CACNA1E: variants seen among roughly 807,000 people sequenced by gnomAD.
CACNA1E encodes voltage-dependent R-type calcium channel subunit alpha-1E.
Under a neutral mutation model 259.2 loss-of-function variants are expected in CACNA1E, and 40 were observed. The ratio of observed to expected loss-of-function variants is 0.15; its 90% CI spans 0.12 to 0.20. The LOEUF (loss-of-function observed/expected upper bound fraction) is 0.20. CACNA1E is among the 10% of genes least tolerant of loss of function. The pLI is 1.00. For synonymous variants in CACNA1E, 1,104 were observed against 1,138.5 expected (o/e 0.97, Z 0.61); for missense variants, 1,874 against 3,040.1 (o/e 0.62, Z 9.02).
chr1:181,658,331 A>G (rs1659374286), intron 7 of CACNA1E, among the ~76,000 whole-genome samples: 1 of 152,212 alleles, frequency 6.6e-6, no homozygotes, highest in Admixed American at 6.5e-5. Context: ...ACAGTTGTAC[A>G]TTGGAAGAGG....
intron 7 of CACNA1E, among the ~76,000 whole-genome samples, chr1:181,688,823 A>G (rs1650847408): frequency 6.6e-6 from 1 of 152,056 alleles, no homozygotes; most frequent in South Asian, 2.1e-4. Context: ...GCACCTGGTA[A>G]CCAGCAGGTG....
intron 7 of CACNA1E, among the ~76,000 whole-genome samples, chr1:181,653,501 G>A (rs1157153857): frequency 1.3e-5 from 2 of 152,180 alleles, no homozygotes; most frequent in African/African-American, 2.4e-5. Flanking sequence ...TCTTTCTTTT[G>A]TAAATGCCTC....
At chr1:181,781,205 C>T (rs1461639042) in intron 38 of CACNA1E, among the ~76,000 whole-genome samples, 2 of 152,164 alleles carry the variant, frequency 1.3e-5, no homozygotes, top group Non-Finnish European at 2.9e-5. Flanking sequence ...GTCATGTCTA[C>T]GATTTGCCTT....
chr1:181,341,740 CT>C (rs2102634608), intron 1 of CACNA1E, among the ~76,000 whole-genome samples: 1 of 152,334 alleles, frequency 6.6e-6, no homozygotes, highest in South Asian at 2.1e-4. Flanking sequence ...AAAATGTTCA[CT>C]GCTCTCTACT....
chr1:181,501,995 G>A (rs746051006), intron 1 of CACNA1E, among the ~76,000 whole-genome samples: 2 of 152,126 alleles, frequency 1.3e-5, no homozygotes, highest in Non-Finnish European at 2.9e-5. Context: ...CACAAGGAAA[G>A]CAATGAGATG....
chr1:181,798,912 C>CCG lies in CACNA1E; in HGVS notation c.*78_*79insCG. The CCG allele has an allele frequency of 7.6e-7, 1 of 1,309,272 alleles. No individual in the cohort carries two copies. The highest frequency in any genetic ancestry group is 1.8e-5 in the South Asian group (1 of 56,348). 81.1% of individuals were successfully genotyped at this position (1,309,272 alleles called of 1,614,324 possible). On this transcript the variant is annotated 3_prime_UTR_variant, in exon 48 of 48. Coordinates refer to ENST00000367573, the MANE Select transcript of CACNA1E (RefSeq NM_001205293.3). This position sits in a 1 kb window ranked among gnomAD's most constrained non-coding sequence, Gnocchi z 4.2. Reference sequence around the variant, plus strand: ...ACAGAATTGGGAAGCCAGTGCGGCCCGGGGGGGAGGAAGAGGGAAAAGGAA... The same window carrying CCG: ...ACAGAATTGGGAAGCCAGTGCGGCCCCGGGGGGGGAGGAAGAGGGAAAAGGAA...
In CACNA1E at chr1:181,798,612, C is replaced by A. The variant is rs369758450; in HGVS notation, c.6720C>A (p.His2240Gln). 1.9e-6 allele frequency: 3 copies of A among 1,613,112 alleles called. No individual in the cohort carries two copies. The highest frequency in any genetic ancestry group is 2.5e-6 in the Non-Finnish European group (3 of 1,179,724). ...EPYLALHEDS[H>Q]ASDCGEEETL... is the part of the protein sequence containing the mutation. Reference sequence around the variant, plus strand: ...ACTTGGCCCTGCACGAAGACTCCCACGCCTCAGACTGTGGTGAGGAGGAGA... The same window carrying A: ...ACTTGGCCCTGCACGAAGACTCCCAAGCCTCAGACTGTGGTGAGGAGGAGA... The change falls in exon 48 of 48, where the codon CAC (histidine) becomes CAA (glutamine). Residue 2240 changes from histidine to glutamine, a missense_variant. By Grantham distance (24) the His-to-Gln change is conservative. This residue lies in a region of CACNA1E where 542 missense variants were observed against 587.2 expected (regional missense o/e 0.92). Coordinates refer to ENST00000367573, the MANE Select transcript of CACNA1E (RefSeq NM_001205293.3). The surrounding 1 kb of genome is among the most constrained non-coding windows in gnomAD (Gnocchi z 4.2).
At chr1:181,343,850 A>G (rs1377779750) in intron 1 of CACNA1E, among the ~76,000 whole-genome samples, 1 of 151,930 alleles carries the variant, frequency 6.6e-6, no homozygotes, top group South Asian at 2.1e-4. Flanking sequence ...GATAGAAAAC[A>G]AAGTCCTCAT....
At chr1:181,724,384 A>G in intron 16 of CACNA1E, 86 bp from the exon 17 acceptor site, 1 of 1,033,242 alleles carries the variant, frequency 9.7e-7, no homozygotes, top group Non-Finnish European at 1.5e-6. Flanking sequence ...TTAATGTCCC[A>G]GGCAGGAAAG....
chr1:181,381,795 G>A (rs74779618), intron 1 of CACNA1E, among the ~76,000 whole-genome samples: 24 of 152,266 alleles, frequency 1.6e-4, no homozygotes, highest in South Asian at 1.5e-3. Flanking sequence ...TGTGGTGGTC[G>A]GATCAGCAGA....
upstream of CACNA1E, chr1:181,483,504 T>TTTC (rs1480068280): frequency 3.2e-6 from 1 of 314,444 alleles, no homozygotes; most frequent in African/African-American, 2.2e-5. Context: ...CTTTTTTCTT[T>TTTC]TTTTTTTTTT....
chr1:181,349,088 G>T (rs1236485069), intron 1 of CACNA1E, among the ~76,000 whole-genome samples: 2 of 151,892 alleles, frequency 1.3e-5, no homozygotes, highest in South Asian at 4.2e-4. Context: ...GAGCTCTTGG[G>T]GACCCACGGG....
intron 4 of CACNA1E, among the ~76,000 whole-genome samples, chr1:181,578,621 A>C (rs747611105): frequency 5.3e-5 from 8 of 152,210 alleles, no homozygotes; most frequent in Non-Finnish European, 1.0e-4. Flanking sequence ...TTTATGTTTT[A>C]TGTTGCTGGA....
chr1:181,347,500 G>A (rs549961066), intron 1 of CACNA1E, among the ~76,000 whole-genome samples: 1 of 152,286 alleles, frequency 6.6e-6, no homozygotes, highest in South Asian at 2.1e-4. Context: ...AGAAGCTCTT[G>A]CCCAAAGAGC....
chr1:181,392,861 T>C (rs1031033430), intron 1 of CACNA1E, among the ~76,000 whole-genome samples: 3 of 152,184 alleles, frequency 2.0e-5, no homozygotes, highest in African/African-American at 7.2e-5. Flanking sequence ...TGAGGAAGCT[T>C]AGCATGGAGG....
Position 181,732,428 on chromosome 1 carries a change from G to A in CACNA1E, c.2342G>A (p.Arg781His), listed in dbSNP as rs1410906984. Residue 781 changes from arginine to histidine, a missense_variant, in exon 20 of 48, where the codon CGT becomes CAT. Physicochemically the swap from Arg to His is conservative, Grantham distance 29. Around this residue, in one of 14 missense-constraint regions of CACNA1E, gnomAD observed 476 missense variants for 514.0 expected, o/e 0.93. Transcript: ENST00000367573. This position sits in a 1 kb window ranked among gnomAD's most constrained non-coding sequence, Gnocchi z 5.5. ...CACCACATGTCCGTGTGGGAGCAGCGTACCAGCCAGCTGAGGAAGCACATG... is the reference window on the plus strand; with the variant it reads ...CACCACATGTCCGTGTGGGAGCAGCATACCAGCCAGCTGAGGAAGCACATG... ...RRHHMSVWEQ[R>H]TSQLRKHMQM... is the part of the protein sequence containing the mutation. 2.6e-6 allele frequency: 4 copies of A among 1,547,060 alleles called. No homozygotes were observed. The highest frequency in any genetic ancestry group is 2.7e-5 in the African/African-American group (2 of 72,876).
chr1:181,579,871 G>A (rs1651348715), intron 5 of CACNA1E, among the ~76,000 whole-genome samples: 2 of 152,128 alleles, frequency 1.3e-5, no homozygotes, highest in African/African-American at 4.8e-5. Context: ...TCTCTGTTTT[G>A]ACCCACACGT....
intron 7 of CACNA1E, among the ~76,000 whole-genome samples, chr1:181,653,013 G>A (rs2102071570): frequency 6.6e-6 from 1 of 152,092 alleles, no homozygotes; most frequent in African/African-American, 2.4e-5. Flanking sequence ...CTGAAGAGAA[G>A]GGACAAATTT....
At chr1:181,649,657 G>T (rs1418419244) in intron 6 of CACNA1E, among the ~76,000 whole-genome samples, 1 of 152,158 alleles carries the variant, frequency 6.6e-6, no homozygotes, top group Non-Finnish European at 1.5e-5. Flanking sequence ...TATACACCAT[G>T]GAATACTATG....
Sources: gnomAD v4.1 joint callset for allele counts (sites outside exome capture counted in the v4.1 genomes callset) on GRCh38, gnomAD v4.1.1 for gene constraint, gnomAD v4.1.1 regional missense constraint, Gnocchi (gnomAD v3.1) non-coding constraint, MANE v1.5 for transcripts, NCBI Gene and HGNC (gene_info 2026-07-23, HGNC 2026-07-21) for gene names.